FANK1: variants seen among roughly 807,000 people sequenced by gnomAD.
The protein encoded by FANK1 is fibronectin type III and ankyrin repeat domains 1.
Under a neutral mutation model 45.3 loss-of-function variants are expected in FANK1, and 44 were observed. The ratio of observed to expected loss-of-function variants is 0.97; its 90% CI spans 0.76 to 1.25. FANK1 has a LOEUF of 1.25. FANK1 is among the 50% of genes most tolerant of loss of function. The probability of loss-of-function intolerance (pLI) is 0.00; values close to 1 mark genes in which losing one functional copy is unlikely to be tolerated. For synonymous variants in FANK1, 149 were observed against 152.5 expected (o/e 0.98, Z 0.17); for missense variants, 391 against 424.4 (o/e 0.92, Z 0.69).
At chr10:125,989,924 C>G (rs1267606543) in intron 3 of FANK1, among the ~76,000 whole-genome samples, 1 of 152,178 alleles carries the variant, frequency 6.6e-6, no homozygotes, top group Non-Finnish European at 1.5e-5. Flanking sequence ...CCCAGGCTAC[C>G]TTTCTGCTCC....
At position 125,980,157 on chromosome 10, in the gene FANK1, T is replaced by A; in HGVS notation, c.14-4T>A. 2 of 1,606,452 alleles carry A rather than the reference T, an allele frequency of 1.2e-6. No individual in the cohort carries two copies. Among genetic ancestry groups the A allele is most frequent in the Non-Finnish European group, 1.7e-6 (2 of 1,177,366 alleles). ...CTGAAGTTCGGTGTCATTCTTTTTT[T>A]TAGAAATCATGCCACCCTCAAAGCC... On this transcript the variant is annotated splice_polypyrimidine_tract_variant and splice_region_variant and intron_variant, in intron 1 of 10. Transcript: ENST00000368693.
Position 125,980,698 on chromosome 10 carries a change from T to G in FANK1, c.191+360T>G, listed in dbSNP as rs112403383. ...CCCCGCATGGTCTACCCTGGCTAGCTTCTCTGATCTCATGTCATACCATTG... is the reference window on the plus strand; with the variant it reads ...CCCCGCATGGTCTACCCTGGCTAGCGTCTCTGATCTCATGTCATACCATTG... On this transcript the variant is annotated intron_variant, in intron 2 of 10. Transcript: ENST00000368693. The G allele has an allele frequency of 2.1e-3, 452 of 210,632 alleles. 1 individual carries two copies. Among genetic ancestry groups the G allele is most frequent in the African/African-American group, 9.9e-3 (422 of 42,442 alleles). The allele number at this position is 210,632 out of a possible 1,614,324, so 13.0% of individuals were successfully genotyped here.
At chr10:125,956,158 A>G (rs942421261) in intron 1 of FANK1, among the ~76,000 whole-genome samples, 1 of 118,774 alleles carries the variant, frequency 8.4e-6, no homozygotes, top group Admixed American at 1.2e-4. Flanking sequence ...TTTACACACG[A>G]TCTACTCTTG....
chr10:125,938,050 A>G (rs190903497), intron 1 of FANK1, among the ~76,000 whole-genome samples: 9 of 152,292 alleles, frequency 5.9e-5, no homozygotes, highest in African/African-American at 7.2e-5. Flanking sequence ...TTCAGACTCC[A>G]TATGTTTATT....
chr10:125,965,207 CATT>C (rs1366837480), intron 1 of FANK1, among the ~76,000 whole-genome samples: 7 of 152,178 alleles, frequency 4.6e-5, no homozygotes, highest in Admixed American at 4.6e-4. Context: ...AAAATGTCAT[CATT>C]GTAATTGCAT....
At chr10:125,922,605 C>T (rs1352777238) in intron 1 of FANK1, among the ~76,000 whole-genome samples, 9 of 152,182 alleles carry the variant, frequency 5.9e-5, no homozygotes, top group East Asian at 3.8e-4. Context: ...CATTCTCAAC[C>T]GGCTAGGCTC....
chr10:125,932,276 G>A (rs927234180), intron 1 of FANK1, among the ~76,000 whole-genome samples: 3 of 152,090 alleles, frequency 2.0e-5, no homozygotes, highest in Non-Finnish European at 4.4e-5. Context: ...TGTTGAATTT[G>A]TAGATTGCTT....
At chr10:125,920,667 A>G (rs563539487) in intron 1 of FANK1, among the ~76,000 whole-genome samples, 1 of 152,236 alleles carries the variant, frequency 6.6e-6, no homozygotes, top group African/African-American at 2.4e-5. Flanking sequence ...CTGTTGACCC[A>G]GAGGAACCAC....
intron 1 of FANK1, among the ~76,000 whole-genome samples, chr10:125,912,440 C>A (rs1261783844): frequency 7.6e-6 from 1 of 132,058 alleles, no homozygotes; most frequent in African/African-American, 3.0e-5. Flanking sequence ...TTGGCACCAC[C>A]AAAGTGTGTG....
intron 2 of FANK1, among the ~76,000 whole-genome samples, chr10:125,984,046 G>A (rs1014109946): frequency 6.6e-6 from 1 of 152,162 alleles, no homozygotes; most frequent in African/African-American, 2.4e-5. Context: ...CCGAATATGG[G>A]ATGTGAGATA....
At chr10:125,985,123 T>C (rs1951469047) in intron 2 of FANK1, among the ~76,000 whole-genome samples, 1 of 152,250 alleles carries the variant, frequency 6.6e-6, no homozygotes, top group Non-Finnish European at 1.5e-5. Flanking sequence ...TTCCAGGGGT[T>C]ATGGAGGTGC....
chr10:126,006,692 T>G (rs1311210031), intron 7 of FANK1, among the ~76,000 whole-genome samples: 1 of 152,194 alleles, frequency 6.6e-6, no homozygotes, highest in Non-Finnish European at 1.5e-5. Context: ...AAACCCTGTC[T>G]CTACTAAAAA....
intron 3 of FANK1, among the ~76,000 whole-genome samples, chr10:125,994,127 G>GGTGA (rs1564957754): frequency 2.6e-5 from 4 of 151,816 alleles, no homozygotes; most frequent in Non-Finnish European, 1.5e-5. Context: ...AGGGAGGGTG[G>GGTGA]GTGAGCCCCA....
chr10:125,903,311 G>A (rs1945202420), intron 1 of FANK1, among the ~76,000 whole-genome samples: 1 of 152,260 alleles, frequency 6.6e-6, no homozygotes, highest in Non-Finnish European at 1.5e-5. Context: ...TCATTAACAA[G>A]TAAACAACTC....
At chr10:125,899,495 G>A (rs531461532) in intron 1 of FANK1, among the ~76,000 whole-genome samples, 2 of 152,272 alleles carry the variant, frequency 1.3e-5, no homozygotes, top group African/African-American at 4.8e-5. Context: ...ACAGGCGTGA[G>A]CCAGCACACC....
rs887441613 is a variant in FANK1, at chr10:125,976,811, C to T, written c.14-3350C>T. 8.6e-5 allele frequency among the ~76,000 whole-genome samples: 13 copies of T among 152,006 alleles called. No homozygotes were observed. In the East Asian group the frequency reaches 2.3e-3, roughly 27 times the overall value. On this transcript the variant is annotated intron_variant, in intron 1 of 10. Coordinates refer to ENST00000368693, the MANE Select transcript of FANK1 (RefSeq NM_145235.5). ...CTAATTTTTGTATTTTTAGTAGAGACGGGGTTTCACCATGTTGGCCAGGCT... is the reference window on the plus strand; with the variant it reads ...CTAATTTTTGTATTTTTAGTAGAGATGGGGTTTCACCATGTTGGCCAGGCT...
intron 1 of FANK1, among the ~76,000 whole-genome samples, chr10:125,927,386 G>T (rs1168642291): frequency 6.6e-6 from 1 of 152,134 alleles, no homozygotes; most frequent in Non-Finnish European, 1.5e-5. Context: ...TCTTTTGTCA[G>T]CTTTAGACTT....
chr10:125,978,393 A>G lies in FANK1; in HGVS notation c.14-1768A>G, dbSNP rs188950521. Among the ~76,000 whole-genome samples the G allele has an allele frequency of 2.0e-5, 3 of 152,210 alleles. No individual in the cohort carries two copies. The East Asian group carries it at 5.8e-4, about 29-fold the overall frequency. The stretch of plus-strand genomic sequence containing the variant: ...GCTTCAGCCCCTGATCGCCTCGGAT[A>G]CTATGAGGCTCAAAGGCTGGAACAG... On this transcript the variant is annotated intron_variant, in intron 1 of 10. Coordinates refer to ENST00000368693, the MANE Select transcript of FANK1 (RefSeq NM_145235.5).
In FANK1 at chr10:126,009,377, T is replaced by C. The variant is rs754046067; in HGVS notation, c.977T>C (p.Val326Ala). The change falls in exon 11 of 11, where the codon GTA becomes GCA. Residue 326 changes from valine to alanine, a missense_variant. Coordinates refer to ENST00000368693, the MANE Select transcript of FANK1 (RefSeq NM_145235.5). ...CTGTCTGTTTTGTTTATCTAGAGTGTAGTCTCCTTATTAGAAGAAAGGAAA... is the reference window on the plus strand; with the variant it reads ...CTGTCTGTTTTGTTTATCTAGAGTGCAGTCTCCTTATTAGAAGAAAGGAAA... ...EMARVFDRQS[V>A]VSLLEERKKK... 1.8e-5 allele frequency: 29 copies of C among 1,613,952 alleles called. 1 individual carries two copies. In the South Asian group the frequency reaches 2.7e-4, roughly 15 times the overall value.
Sources: gnomAD v4.1 joint callset for allele counts (sites outside exome capture counted in the v4.1 genomes callset) on GRCh38, gnomAD v4.1.1 for gene constraint, MANE v1.5 for transcripts, NCBI Gene and HGNC (gene_info 2026-07-23, HGNC 2026-07-21) for gene names.